Variants in INPP4B observed in about 807,000 individuals in gnomAD.
The protein encoded by INPP4B is inositol polyphosphate 4-phosphatase type II.
Under a neutral mutation model 122.5 loss-of-function variants are expected in INPP4B, and 55 were observed. That is an observed-to-expected ratio of 0.45 (90% CI 0.36 to 0.56). The LOEUF is 0.56. Among genes scored for constraint, INPP4B ranks in the 20% least tolerant of loss-of-function variants. The probability of loss-of-function intolerance (pLI) is 0.00; values close to 1 mark genes in which losing one functional copy is unlikely to be tolerated. For synonymous variants in INPP4B, 403 were observed against 388.7 expected (o/e 1.04, Z -0.43); for missense variants, 1,000 against 1,097.7 (o/e 0.91, Z 1.26).
intron 2 of INPP4B, among the ~76,000 whole-genome samples, chr4:142,492,121 TCTC>T (rs1821956493): frequency 6.6e-6 from 1 of 152,216 alleles, no homozygotes. Flanking sequence ...GCTTGGCACT[TCTC>T]CTTGCTGCCA....
intron 2 of INPP4B, among the ~76,000 whole-genome samples, chr4:142,692,138 C>T (rs963262870): frequency 2.6e-5 from 4 of 152,042 alleles, no homozygotes; most frequent in Non-Finnish European, 5.9e-5. Context: ...GGGACCCTTC[C>T]ACTTTGCCCT....
intron 2 of INPP4B, among the ~76,000 whole-genome samples, chr4:142,668,906 T>A (rs1277641107): frequency 1.3e-5 from 2 of 149,448 alleles, no homozygotes; most frequent in Non-Finnish European, 3.0e-5. Context: ...AAAAAAAAAA[T>A]TAGCCGGGCG....
intron 8 of INPP4B, among the ~76,000 whole-genome samples, chr4:142,307,878 G>C (rs1015253271): frequency 6.6e-6 from 1 of 152,110 alleles, no homozygotes; most frequent in Non-Finnish European, 1.5e-5. Flanking sequence ...GATAAAGCTG[G>C]CTACACATGT....
At chr4:142,498,089 T>G (rs1240406257) in intron 2 of INPP4B, among the ~76,000 whole-genome samples, 1 of 142,660 alleles carries the variant, frequency 7.0e-6, no homozygotes, top group Non-Finnish European at 1.5e-5. Flanking sequence ...AATCTTGCAA[T>G]GTATTTTGTG....
intron 7 of INPP4B, among the ~76,000 whole-genome samples, chr4:142,390,325 C>T (rs1002419880): frequency 6.6e-6 from 1 of 152,076 alleles, no homozygotes; most frequent in Non-Finnish European, 1.5e-5. Context: ...AAGGGAAAGG[C>T]AAGAGTTTGG....
At chr4:142,187,626 C>G (rs1833759132) in intron 15 of INPP4B, among the ~76,000 whole-genome samples, 1 of 151,978 alleles carries the variant, frequency 6.6e-6, no homozygotes, top group South Asian at 2.1e-4. Flanking sequence ...GGGCCTCCCT[C>G]TGTCACCTAG....
intron 14 of INPP4B, 53 bp from the exon 15 acceptor site, chr4:142,193,248 C>A: frequency 9.5e-7 from 1 of 1,047,460 alleles, no homozygotes; most frequent in South Asian, 1.3e-5. Context: ...TTATCTCCGT[C>A]ATGCTGTTTG....
chr4:142,494,673 C>A (rs1822300894), intron 2 of INPP4B, among the ~76,000 whole-genome samples: 1 of 152,118 alleles, frequency 6.6e-6, no homozygotes, highest in South Asian at 2.1e-4. Flanking sequence ...CTGTTATTAT[C>A]TTTGGACAAT....
At chr4:142,776,804 C>T (rs1484844281) in intron 1 of INPP4B, among the ~76,000 whole-genome samples, 1 of 152,010 alleles carries the variant, frequency 6.6e-6, no homozygotes, top group Non-Finnish European at 1.5e-5. Context: ...CTGGATCTAT[C>T]CCAGTGTAGA....
chr4:142,042,615 T>A (rs1322888652), intron 25 of INPP4B, among the ~76,000 whole-genome samples: 2 of 151,520 alleles, frequency 1.3e-5, no homozygotes, highest in East Asian at 3.9e-4. Flanking sequence ...CAGGCTGGAG[T>A]GCAGTGATGC....
At chr4:142,088,121 C>T (rs1343427878) in intron 23 of INPP4B, among the ~76,000 whole-genome samples, 1 of 152,132 alleles carries the variant, frequency 6.6e-6, no homozygotes, top group Admixed American at 6.6e-5. Flanking sequence ...AGAAGGTTCT[C>T]TGATATACAG....
chr4:142,194,132 A>G (rs1451978713), intron 14 of INPP4B, among the ~76,000 whole-genome samples: 1 of 152,154 alleles, frequency 6.6e-6, no homozygotes, highest in Non-Finnish European at 1.5e-5. Context: ...GAGTAGTTCA[A>G]TCCAGATGCA....
chr4:142,253,189 A>G (rs1260634172), intron 11 of INPP4B, among the ~76,000 whole-genome samples: 2 of 152,206 alleles, frequency 1.3e-5, no homozygotes, highest in Non-Finnish European at 2.9e-5. Flanking sequence ...AAGCCTTCAG[A>G]GCTAGAAGAA....
At chr4:142,508,550 G>A (rs565849353) in intron 2 of INPP4B, among the ~76,000 whole-genome samples, 8 of 152,164 alleles carry the variant, frequency 5.3e-5, no homozygotes, top group South Asian at 2.1e-4. Flanking sequence ...CTGGGTTTAC[G>A]GGCATGAACC....
At chr4:142,404,735 G>T (rs1418418885) in intron 6 of INPP4B, among the ~76,000 whole-genome samples, 5 of 151,960 alleles carry the variant, frequency 3.3e-5, no homozygotes, top group African/African-American at 4.8e-5. Context: ...ACAGACTAAA[G>T]AATACCGGGG....
chr4:142,698,118 G>A (rs1412399177), intron 2 of INPP4B, among the ~76,000 whole-genome samples: 10 of 152,002 alleles, frequency 6.6e-5, no homozygotes, highest in Non-Finnish European at 1.5e-4. Context: ...AATCTTGGCT[G>A]TAATTAAGAT....
intron 2 of INPP4B, among the ~76,000 whole-genome samples, chr4:142,604,877 T>A (rs1421787687): frequency 6.6e-6 from 1 of 152,016 alleles, no homozygotes; most frequent in Non-Finnish European, 1.5e-5. Context: ...ATCCTAAACT[T>A]CATATAGAAC....
intron 7 of INPP4B, among the ~76,000 whole-genome samples, chr4:142,356,320 A>G (rs1783599943): frequency 6.6e-6 from 1 of 150,620 alleles, no homozygotes; most frequent in South Asian, 2.1e-4. Context: ...TCAACTGTGT[A>G]AGAATGAGAA....
intron 2 of INPP4B, among the ~76,000 whole-genome samples, chr4:142,504,218 C>G (rs1225031613): frequency 6.6e-6 from 1 of 151,714 alleles, no homozygotes; most frequent in African/African-American, 2.4e-5. Context: ...GAAATAGGGG[C>G]AAAGGACTAT....
Sources: allele counts gnomAD v4.1 joint callset (sites outside exome capture counted in the v4.1 genomes callset), GRCh38; gene constraint gnomAD v4.1.1; transcripts MANE v1.5; gene names NCBI Gene and HGNC (gene_info 2026-07-23, HGNC 2026-07-21).